MMRN1: variants seen among roughly 807,000 people sequenced by gnomAD.
MMRN1 encodes the protein multimerin 1.
A neutral mutation model predicts 100.7 loss-of-function variants in MMRN1; 94 were observed. The ratio of observed to expected loss-of-function variants is 0.93; its 90% confidence interval spans 0.79 to 1.11. MMRN1 has a LOEUF of 1.11. Ranked by LOEUF, MMRN1 falls within the 50% of genes least tolerant of loss-of-function variation. The pLI, the probability that MMRN1 is intolerant of heterozygous loss-of-function variation, is 0.00. For synonymous variants in MMRN1, 575 were observed against 505.0 expected, an observed-to-expected ratio of 1.14 and a Z score of -1.86; for missense variants, 1,606 against 1,439.1, an observed-to-expected ratio of 1.12 and a Z score of -1.88.
intron 6 of MMRN1, 106 bp from the exon 7 acceptor site, chr4:89,951,499 A>C: frequency 8.3e-7 from 1 of 1,208,890 alleles, no homozygotes; most frequent in Non-Finnish European, 1.1e-6. Flanking sequence ...CATTTTTCTT[A>C]CTTAAAATTC....
At chr4:89,885,007 CTT>C (rs933484325) in intron 1 of MMRN1, among the ~76,000 whole-genome samples, 9 of 152,164 alleles carry the variant, frequency 5.9e-5, no homozygotes, top group African/African-American at 2.2e-4. Flanking sequence ...GCTATAGACT[CTT>C]TGTAGATGCC....
In MMRN1 at chr4:89,911,977, G is replaced by T. The variant is rs755522204; in HGVS notation, c.777G>T (p.Met259Ile). Reference protein sequence around the residue: ...SQKISNPVYRMQHKIVTSLDW... With the variant: ...SQKISNPVYRIQHKIVTSLDW... ...AGATATCCAATCCTGTCTATAGGAT[G>T]CAACATAAAATTGTCACCTCATTGG... The change falls in exon 3 of 8, where the codon ATG becomes ATT. Residue 259 changes from methionine (M) to isoleucine (I), a missense_variant. By Grantham distance (10) the Met-to-Ile change is conservative. Transcript: ENST00000264790. 1.1e-5 allele frequency: 17 copies of T among 1,603,924 alleles called. No individual in the cohort carries two copies. The African/African-American group carries it at 2.3e-4, about 22-fold the overall frequency.
intron 3 of MMRN1, among the ~76,000 whole-genome samples, chr4:89,918,267 A>G (rs1489013067): frequency 6.6e-6 from 1 of 151,468 alleles, no homozygotes; most frequent in African/African-American, 2.4e-5. Flanking sequence ...AACTATCTCC[A>G]GTTTAATAAG....
intron 4 of MMRN1, 49 bp from the exon 5 acceptor site, chr4:89,927,746 G>T (rs1722305828): frequency 3.9e-6 from 6 of 1,541,262 alleles, no homozygotes; most frequent in Non-Finnish European, 5.3e-6. Flanking sequence ...TACCAACTAT[G>T]GGTCAAAATA....
In MMRN1 at chr4:89,932,481, C is replaced by T. The variant is rs1318982663; in HGVS notation, c.1130-2329C>T. 4.6e-5 allele frequency among the ~76,000 whole-genome samples: 7 copies of T among 152,190 alleles called. No homozygotes were observed. In the East Asian group the frequency reaches 1.3e-3, roughly 29 times the overall value. On this transcript the variant is annotated intron_variant, in intron 5 of 7. Transcript: ENST00000264790. ...TGGAGACACTGTGTGGGGGGTCCCA[C>T]CCCACATTTCCCTTCTGCACCACCC...
chr4:89,944,020 G>A (rs1348053865), intron 6 of MMRN1, among the ~76,000 whole-genome samples: 1 of 151,780 alleles, frequency 6.6e-6, no homozygotes, highest in Admixed American at 6.6e-5. Flanking sequence ...TACCTATAGA[G>A]CAGTGCAATG....
chr4:89,935,062 A>G lies in MMRN1; in HGVS notation c.1382A>G (p.Asn461Ser). Residue 461 changes from asparagine to serine, a missense_variant, in exon 6 of 8, where the codon AAT becomes AGT. Transcript: ENST00000264790. ...TTGACTGATATAGTGGAACTAAGGAATCACATTGTGAATGTAAGGCAAGAA... is the reference window on the plus strand; with the variant it reads ...TTGACTGATATAGTGGAACTAAGGAGTCACATTGTGAATGTAAGGCAAGAA... ...PTLTDIVELR[N>S]HIVNVRQEMT... 6.2e-7 allele frequency: 1 copy of G among 1,613,736 alleles called. No individual in the cohort carries two copies. Among genetic ancestry groups the G allele is most frequent in the Non-Finnish European group, 8.5e-7 (1 of 1,179,800 alleles).
At chr4:89,909,914 C>G (rs1721693675) in intron 2 of MMRN1, among the ~76,000 whole-genome samples, 1 of 151,316 alleles carries the variant, frequency 6.6e-6, no homozygotes, top group African/African-American at 2.4e-5. Context: ...ATTTGATTAT[C>G]ATTTTTTAAA....
intron 1 of MMRN1, among the ~76,000 whole-genome samples, chr4:89,902,989 A>G (rs1425410920): frequency 1.3e-5 from 2 of 151,910 alleles, no homozygotes; most frequent in Non-Finnish European, 2.9e-5. Flanking sequence ...AAATAAAACA[A>G]TGATTTTCTT....
At chr4:89,940,592 C>G (rs182396586) in intron 6 of MMRN1, among the ~76,000 whole-genome samples, 1 of 152,018 alleles carries the variant, frequency 6.6e-6, no homozygotes, top group African/African-American at 2.4e-5. Context: ...AATCAGGACA[C>G]CAGGGTTCAA....
upstream of MMRN1, among the ~76,000 whole-genome samples, chr4:89,891,763 G>A (rs1721060945): frequency 6.6e-6 from 1 of 151,952 alleles, no homozygotes; most frequent in South Asian, 2.1e-4. Context: ...GTCTTATGGA[G>A]GAAGGTAATA....
chr4:89,931,287 A>G (rs1028989211), intron 5 of MMRN1, among the ~76,000 whole-genome samples: 5 of 152,146 alleles, frequency 3.3e-5, no homozygotes, highest in Non-Finnish European at 7.4e-5. Context: ...ACAATACATC[A>G]TTCTATTTTT....
At chr4:89,932,379 G>A (rs1422739707) in intron 5 of MMRN1, among the ~76,000 whole-genome samples, 1 of 152,134 alleles carries the variant, frequency 6.6e-6, no homozygotes, top group African/African-American at 2.4e-5. Flanking sequence ...CACAGTGCAA[G>A]CTGTCAGTGA....
At chr4:89,931,938 T>C (rs1042941631) in intron 5 of MMRN1, among the ~76,000 whole-genome samples, 4 of 152,246 alleles carry the variant, frequency 2.6e-5, no homozygotes, top group Admixed American at 1.3e-4. Context: ...AAACCAATCA[T>C]GCCTTCCCAA....
At chr4:89,914,408 G>A (rs979984452) in intron 3 of MMRN1, among the ~76,000 whole-genome samples, 1 of 151,202 alleles carries the variant, frequency 6.6e-6, no homozygotes, top group African/African-American at 2.4e-5. Flanking sequence ...TGCTACGCAC[G>A]TACTTTAGCT....
At chr4:89,883,100 G>C (rs114196994) in intron 1 of MMRN1, among the ~76,000 whole-genome samples, 2,959 of 151,990 alleles carry the variant, frequency 0.019, 87 homozygotes, top group African/African-American at 0.068. Context: ...AGTGTTCATT[G>C]CTTTTCATTG....
intron 1 of MMRN1, among the ~76,000 whole-genome samples, chr4:89,908,652 A>C (rs1412335647): frequency 6.6e-6 from 1 of 151,140 alleles, no homozygotes; most frequent in Non-Finnish European, 1.5e-5. Flanking sequence ...TGTCTTTTTT[A>C]ATTTGTTGTT....
chr4:89,946,650 G>A (rs958563776), intron 6 of MMRN1, among the ~76,000 whole-genome samples: 1 of 151,968 alleles, frequency 6.6e-6, no homozygotes, highest in Non-Finnish European at 1.5e-5. Flanking sequence ...CATTAATCGA[G>A]TAATTATAAT....
At chr4:89,923,884 A>C (rs1354810786) in intron 4 of MMRN1, among the ~76,000 whole-genome samples, 1 of 152,204 alleles carries the variant, frequency 6.6e-6, no homozygotes, top group African/African-American at 2.4e-5. Context: ...AGTCATACAA[A>C]ACAAGGCACT....
Sources: gnomAD v4.1 joint callset for allele counts (sites outside exome capture counted in the v4.1 genomes callset) on GRCh38, gnomAD v4.1.1 for gene constraint, MANE v1.5 for transcripts, NCBI Gene and HGNC (gene_info 2026-07-23, HGNC 2026-07-21) for gene names.